OPCML: variants seen among roughly 807,000 people sequenced by gnomAD.
The protein encoded by OPCML is opioid-binding protein/cell adhesion molecule.
In OPCML, 13 loss-of-function variants were observed where a neutral mutation model predicts 37.8. That is an observed-to-expected ratio of 0.34 (90% CI 0.22 to 0.55). The LOEUF is 0.55. Ranked by LOEUF, OPCML falls within the 20% of genes least tolerant of loss-of-function variation. The probability of loss-of-function intolerance (pLI) is 0.91; values close to 1 mark genes in which losing one functional copy is unlikely to be tolerated. For missense variants in OPCML, 341 were observed against 435.6 expected (o/e 0.78, Z 1.93); for synonymous variants, 176 against 168.8 (o/e 1.04, Z -0.33).
chr11:132,731,289 A>G (rs1448882734), intron 2 of OPCML, among the ~76,000 whole-genome samples: 1 of 152,244 alleles, frequency 6.6e-6, no homozygotes, highest in Non-Finnish European at 1.5e-5. Flanking sequence ...TGAGTGGTTT[A>G]GGAATGAATA....
chr11:133,482,151 AG>A (rs1298495128), intron 1 of OPCML, among the ~76,000 whole-genome samples: 1 of 152,168 alleles, frequency 6.6e-6, no homozygotes, highest in Non-Finnish European at 1.5e-5. Context: ...GGAACCCTGA[AG>A]CTGGGTTTTC....
chr11:133,370,870 A>G (rs1944659943), intron 1 of OPCML, among the ~76,000 whole-genome samples: 1 of 152,226 alleles, frequency 6.6e-6, no homozygotes, highest in African/African-American at 2.4e-5. Flanking sequence ...AATAACCAAA[A>G]GAATCAAGAG....
chr11:133,429,307 G>A (rs1010632761), intron 1 of OPCML, among the ~76,000 whole-genome samples: 1 of 152,202 alleles, frequency 6.6e-6, no homozygotes, highest in African/African-American at 2.4e-5. Context: ...TCTTGCTCTA[G>A]TAACTGAGGC....
At chr11:133,112,195 G>C (rs960644512) in intron 1 of OPCML, among the ~76,000 whole-genome samples, 4 of 140,120 alleles carry the variant, frequency 2.9e-5, no homozygotes, top group Non-Finnish European at 4.5e-5. Flanking sequence ...TTCCATCCAA[G>C]GATTTTTTTC....
chr11:133,260,873 ATTT>A (rs112419646), intron 1 of OPCML, among the ~76,000 whole-genome samples: 1 of 150,014 alleles, frequency 6.7e-6, no homozygotes, highest in African/African-American at 2.4e-5. Context: ...TAGTACATAG[ATTT>A]TTTTTTTTCT....
chr11:132,721,402 C>A (rs374822121), intron 2 of OPCML, among the ~76,000 whole-genome samples: 13 of 152,022 alleles, frequency 8.6e-5, no homozygotes, highest in Non-Finnish European at 1.9e-4. Flanking sequence ...TGAAGCTCTG[C>A]GGAGGAACAG....
chr11:132,784,375 T>A (rs1947134676), intron 2 of OPCML, among the ~76,000 whole-genome samples: 4 of 152,158 alleles, frequency 2.6e-5, no homozygotes, highest in African/African-American at 9.6e-5. Flanking sequence ...AGTTAGCCCA[T>A]CTACCTCTTC....
At position 132,988,901 on chromosome 11, in the gene OPCML, A is replaced by T. The variant is rs965534347; in HGVS notation, c.62-45891T>A. On this transcript the variant is annotated intron_variant, in intron 1 of 7. Transcript: ENST00000524381. ...AAGTGCACAGCAACACAGTCAAAAA[A>T]TGGGCAAAATAAATGAACAAGCATA... is the stretch of plus-strand genomic sequence containing the variant. Among the ~76,000 whole-genome samples the T allele has an allele frequency of 2.8e-4, 43 of 152,340 alleles. 1 individual carries two copies. In the Middle Eastern group the frequency reaches 0.014, roughly 48 times the overall value.
chr11:133,001,075 C>T (rs1220168876), intron 1 of OPCML, among the ~76,000 whole-genome samples: 1 of 152,206 alleles, frequency 6.6e-6, no homozygotes, highest in Non-Finnish European at 1.5e-5. Context: ...CCTGTACAGT[C>T]TGCAGAACCA....
chr11:133,485,383 T>C (rs902770284), intron 1 of OPCML, among the ~76,000 whole-genome samples: 8 of 152,204 alleles, frequency 5.3e-5, no homozygotes, highest in Non-Finnish European at 7.4e-5. Flanking sequence ...ATTTTTTTAA[T>C]GTCCTGAATG....
chr11:132,953,482 G>T (rs986518970), intron 1 of OPCML, among the ~76,000 whole-genome samples: 2 of 152,060 alleles, frequency 1.3e-5, no homozygotes, highest in African/African-American at 4.8e-5. Flanking sequence ...ACCGATTTCC[G>T]CAAGCCATAC....
chr11:132,441,158 C>CTTTTTTGTTTT (rs1474063758), intron 4 of OPCML, among the ~76,000 whole-genome samples: 66 of 108,024 alleles, frequency 6.1e-4, no homozygotes, highest in African/African-American at 2.8e-3. Flanking sequence ...TCACCAAGGA[C>CTTTTTTGTTTT]TTTTTTGTTT....
intron 1 of OPCML, among the ~76,000 whole-genome samples, chr11:133,244,858 G>A (rs1210644995): frequency 6.6e-6 from 1 of 152,186 alleles, no homozygotes; most frequent in Non-Finnish European, 1.5e-5. Flanking sequence ...AAATTACCCA[G>A]TCTGAAGTAG....
chr11:132,663,566 T>C (rs1267377771), intron 2 of OPCML, among the ~76,000 whole-genome samples: 1 of 152,210 alleles, frequency 6.6e-6, no homozygotes, highest in Admixed American at 6.5e-5. Flanking sequence ...CACTGGCACA[T>C]TGAGAAGTCC....
chr11:132,776,566 C>G (rs1284283843), intron 2 of OPCML, among the ~76,000 whole-genome samples: 1 of 151,914 alleles, frequency 6.6e-6, no homozygotes, highest in Non-Finnish European at 1.5e-5. Flanking sequence ...GAATGTAGCA[C>G]TTCCCCCTCT....
intron 1 of OPCML, chr11:133,360,855 T>G (rs1944397932): frequency 6.6e-6 from 1 of 152,274 alleles, no homozygotes; most frequent in African/African-American, 2.4e-5. Flanking sequence ...CACTCCCGTT[T>G]CCTTCTCTTG....
chr11:133,313,508 G>T (rs1290422454), intron 1 of OPCML, among the ~76,000 whole-genome samples: 1 of 152,220 alleles, frequency 6.6e-6, no homozygotes, highest in Admixed American at 6.5e-5. Flanking sequence ...GTGATGGAAA[G>T]ATTATGCTGG....
intron 3 of OPCML, among the ~76,000 whole-genome samples, chr11:132,549,280 C>T (rs987262657): frequency 1.3e-5 from 2 of 152,202 alleles, no homozygotes; most frequent in Admixed American, 1.3e-4. Flanking sequence ...TTTACAAATG[C>T]TATGGCAATG....
At chr11:133,268,680 A>G in intron 1 of OPCML, among the ~76,000 whole-genome samples, 1 of 152,228 alleles carries the variant, frequency 6.6e-6, no homozygotes, top group East Asian at 1.9e-4. Flanking sequence ...CATACACTAG[A>G]AACTGTTTCC....
Sources: gnomAD v4.1 joint callset for allele counts (sites outside exome capture counted in the v4.1 genomes callset) on GRCh38, gnomAD v4.1.1 for gene constraint, MANE v1.5 for transcripts, NCBI Gene and HGNC (gene_info 2026-07-23, HGNC 2026-07-21) for gene names.